The following CGNL1 variants were observed in gnomAD, a reference collection of about 807,000 sequenced individuals.
CGNL1 encodes the protein cingulin-like protein 1.
In CGNL1, 132 loss-of-function variants were observed where a neutral mutation model predicts 141.2. That is an observed-to-expected ratio of 0.93 (90% CI 0.81 to 1.08). CGNL1 has a LOEUF of 1.08. CGNL1 is among the 50% of genes least tolerant of loss of function. CGNL1 has a pLI of 0.00. For synonymous variants in CGNL1, 690 were observed against 622.1 expected, an observed-to-expected ratio of 1.11 and a Z score of -1.63; for missense variants, 1,870 against 1,588.6, an observed-to-expected ratio of 1.18 and a Z score of -3.01.
At chr15:57,523,965 T>G (rs1226282520) in intron 11 of CGNL1, among the ~76,000 whole-genome samples, 1 of 152,168 alleles carries the variant, frequency 6.6e-6, no homozygotes, top group African/African-American at 2.4e-5. Flanking sequence ...TCTCTACCTT[T>G]GCATCTCTAT....
chr15:57,422,924 A>C (rs1389613137), intron 1 of CGNL1, among the ~76,000 whole-genome samples: 1 of 152,156 alleles, frequency 6.6e-6, no homozygotes, highest in African/African-American at 2.4e-5. Context: ...GGTGTGTTAG[A>C]TGGTCCCCAA....
intron 1 of CGNL1, among the ~76,000 whole-genome samples, chr15:57,414,625 T>A (rs1388113995): frequency 1.3e-5 from 2 of 151,580 alleles, no homozygotes; most frequent in Non-Finnish European, 2.9e-5. Context: ...TCACAGTGAA[T>A]TTGTCACCTG....
In CGNL1 at chr15:57,544,568, G is replaced by A; in HGVS notation, c.3471G>A (p.Glu1157=). 1 of 1,598,412 alleles carries A rather than the reference G, an allele frequency of 6.3e-7. No individual in the cohort carries two copies. Among genetic ancestry groups the A allele is most frequent in the South Asian group, 1.1e-5 (1 of 88,426 alleles). ...TGCAGATGGAGGCCAGGATCGCGGA[G>A]CTGGAGGACCGCCTGGAGAGTGAGG... is the stretch of plus-strand genomic sequence containing the variant. ...LVVQMEARIA[E]LEDRLESEER... The change falls in exon 16 of 19, where the codon GAG becomes GAA. Residue 1157 remains glutamate (E), a synonymous_variant. Transcript: ENST00000281282.
At chr15:57,409,571 TGAGAGGTTTCA>T (rs2062762927) in intron 1 of CGNL1, among the ~76,000 whole-genome samples, 1 of 152,068 alleles carries the variant, frequency 6.6e-6, no homozygotes, top group African/African-American at 2.4e-5. Flanking sequence ...GAAGTATGGC[TGAGAGGTTTCA>T]GGAGGCAGGG....
chr15:57,524,833 G>A, intron 12 of CGNL1, 82 bp downstream of exon 12: 2 of 1,405,664 alleles, frequency 1.4e-6, no homozygotes, highest in Non-Finnish European at 9.7e-7. Flanking sequence ...GAGGGACTTG[G>A]GGGTAGATTC....
chr15:57,481,155 T>G (rs1199997420), intron 8 of CGNL1, among the ~76,000 whole-genome samples: 2 of 150,386 alleles, frequency 1.3e-5, no homozygotes, highest in Non-Finnish European at 3.0e-5. Flanking sequence ...TAAATTTATA[T>G]GCAATTGTAA....
intron 10 of CGNL1, among the ~76,000 whole-genome samples, chr15:57,522,304 A>C (rs75441947): frequency 0.046 from 7,073 of 152,338 alleles, 217 homozygotes; most frequent in Non-Finnish European, 0.073. Flanking sequence ...TTTTAGCCCC[A>C]CATCACATGG....
chr15:57,540,504 A>G (rs1243631441), intron 14 of CGNL1, among the ~76,000 whole-genome samples: 2 of 152,204 alleles, frequency 1.3e-5, no homozygotes, highest in African/African-American at 4.8e-5. Flanking sequence ...CCCTCCCATG[A>G]CACTGGGGAT....
intron 7 of CGNL1, 36 bp from the exon 8 acceptor site, chr15:57,461,644 A>G (rs2063447458): frequency 1.9e-6 from 3 of 1,577,262 alleles, no homozygotes; most frequent in African/African-American, 2.7e-5. Context: ...AAGATGTTTC[A>G]TTGTCACCTT....
chr15:57,412,779 T>C (rs1692543175), intron 1 of CGNL1, among the ~76,000 whole-genome samples: 1 of 152,232 alleles, frequency 6.6e-6, no homozygotes, highest in South Asian at 2.1e-4. Context: ...ACCATTCTGG[T>C]ATTCATATGT....
intron 1 of CGNL1, among the ~76,000 whole-genome samples, chr15:57,378,906 T>C (rs113189716): frequency 5.2e-4 from 79 of 152,344 alleles, no homozygotes; most frequent in Non-Finnish European, 8.1e-4. Context: ...GTGTGCACCC[T>C]GTGGGAGCCG....
chr15:57,507,065 C>T (rs549932298), intron 8 of CGNL1, among the ~76,000 whole-genome samples: 3 of 152,274 alleles, frequency 2.0e-5, no homozygotes, highest in African/African-American at 7.2e-5. Context: ...AAATGAAGCC[C>T]CTTTCATCTG....
Position 57,438,071 on chromosome 15 carries a change from T to C in CGNL1, c.72T>C (p.Asp24=). The C allele has an allele frequency of 1.9e-6, 3 of 1,614,078 alleles. No homozygotes were observed. The highest frequency in any genetic ancestry group is 2.5e-6 in the Non-Finnish European group (3 of 1,179,998). ...GGGTCCATCTGAGACTCGCAAGTGA[T>C]GATACCCAAAAATCAAGGAGTTCCC... is the stretch of plus-strand genomic sequence containing the variant. The part of the protein sequence containing the change: ...EYGVHLRLAS[D]DTQKSRSSQN... The change falls in exon 2 of 19, where the codon GAT becomes GAC. Residue 24 remains aspartate (D), a synonymous_variant. Transcript: ENST00000281282.
chr15:57,440,338 C>G, intron 2 of CGNL1, 39 bp from the exon 3 acceptor site: 1 of 1,481,064 alleles, frequency 6.8e-7, no homozygotes, highest in Non-Finnish European at 9.3e-7. Context: ...CCTCTGGGAA[C>G]TTCATCCTCA....
In CGNL1 at chr15:57,418,751, T is replaced by A. The variant is rs541239055; in HGVS notation, c.-15-19234T>A. 3.9e-5 allele frequency among the ~76,000 whole-genome samples: 6 copies of A among 152,296 alleles called. 1 individual carries two copies. Among genetic ancestry groups the A allele is most frequent in the African/African-American group, 1.2e-4 (5 of 41,566 alleles). On this transcript the variant is annotated intron_variant, in intron 1 of 18. Transcript: ENST00000281282. ...AGGGAGATGTTTGCCCTGTTCTTCC[T>A]GGCAGAAGAAGAGCAGTGTTCTGAG... is the stretch of plus-strand genomic sequence containing the variant.
rs1200995518 is a variant in CGNL1 at position 57,545,590 on chromosome 15, A to G, written c.3501-2A>G. On this transcript the variant is annotated splice_acceptor_variant, in intron 16 of 18. Transcript: ENST00000281282. LOFTEE classifies it high-confidence loss of function. Reference sequence around the variant, plus strand: ...TTCTTGGTTCTGTCTCCCCTCTTCCAGGGATCGGGCCAATCTTCAGCTCAG... The same window carrying G: ...TTCTTGGTTCTGTCTCCCCTCTTCCGGGGATCGGGCCAATCTTCAGCTCAG... 3 of 1,612,012 alleles carry G rather than the reference A, an allele frequency of 1.9e-6. No homozygotes were observed. The highest frequency in any genetic ancestry group is 2.5e-6 in the Non-Finnish European group (3 of 1,179,502).
At chr15:57,378,813 T>C (rs931324423) in intron 1 of CGNL1, among the ~76,000 whole-genome samples, 2 of 152,216 alleles carry the variant, frequency 1.3e-5, no homozygotes, top group Non-Finnish European at 2.9e-5. Flanking sequence ...AAAAATGACA[T>C]AATTTTGCCC....
At chr15:57,393,252 C>T (rs2062562576) in intron 1 of CGNL1, among the ~76,000 whole-genome samples, 2 of 152,182 alleles carry the variant, frequency 1.3e-5, no homozygotes, top group African/African-American at 4.8e-5. Flanking sequence ...TTGAGGCCTT[C>T]TGCAATGGCC....
chr15:57,487,997 G>A (rs1351583503), intron 8 of CGNL1, among the ~76,000 whole-genome samples: 1 of 152,172 alleles, frequency 6.6e-6, no homozygotes, highest in African/African-American at 2.4e-5. Flanking sequence ...CAAAGTGACA[G>A]AACCATTTCT....
Sources: gnomAD v4.1 joint callset for allele counts (sites outside exome capture counted in the v4.1 genomes callset) on GRCh38, gnomAD v4.1.1 for gene constraint, MANE v1.5 for transcripts, NCBI Gene and HGNC (gene_info 2026-07-23, HGNC 2026-07-21) for gene names.